The following DHX33 variants were observed in gnomAD, a reference collection of about 807,000 sequenced individuals.
DHX33 encodes the protein DEAH-box helicase 33.
A neutral mutation model predicts 72.5 loss-of-function variants in DHX33; 42 were observed. The ratio of observed to expected loss-of-function variants is 0.58; its 90% CI spans 0.45 to 0.75. The LOEUF (loss-of-function observed/expected upper bound fraction) is 0.75, where lower values mean the gene tolerates loss of function less well. Ranked by LOEUF, DHX33 falls within the 30% of genes least tolerant of loss-of-function variation. The pLI, the probability that DHX33 is intolerant of heterozygous loss-of-function variation, is 0.00. For missense variants in DHX33, 842 were observed against 917.5 expected (o/e 0.92, Z 1.06); for synonymous variants, 358 against 366.1 (o/e 0.98, Z 0.25).
chr17:5,460,441 A>G (rs1904535718), intron 4 of DHX33, among the ~76,000 whole-genome samples: 2 of 152,196 alleles, frequency 1.3e-5, no homozygotes, highest in Admixed American at 1.3e-4. Flanking sequence ...TTCAATGAAA[A>G]TTAGAGATAT....
At chr17:5,455,102 A>G (rs1412090389) in intron 6 of DHX33, 58 bp downstream of exon 6, 4 of 1,442,766 alleles carry the variant, frequency 2.8e-6, no homozygotes, top group African/African-American at 1.4e-5. Context: ...GTGGGACTAC[A>G]GTTTCAGTGG....
rs1057456962 is a variant in DHX33, at chr17:5,462,219, C to T, written c.678+100G>A. 1.2e-5 allele frequency: 13 copies of T among 1,123,660 alleles called. No individual in the cohort carries two copies. In the South Asian group the frequency reaches 1.2e-4, roughly 11 times the overall value. The allele number at this position is 1,123,660 out of a possible 1,614,324, so 69.6% of individuals were successfully genotyped here. A position where few individuals can be genotyped will look rare whatever the true frequency, so the allele number is the denominator to read the frequency against. ...CCTCCCAAAGTGCTGGGATTACAGG[C>T]GTGAGCCACCGCGCCCAGCCAGGCC... On this transcript the variant is annotated intron_variant, in intron 3 of 11. Coordinates refer to ENST00000225296, the MANE Select transcript of DHX33 (RefSeq NM_020162.4).
Position 5,456,249 on chromosome 17 carries a change from T to C in DHX33, c.850-67A>G. ...TTGCAGCTTGCACAGAAAAAGACAA[T>C]GGTGATTGATGATGTTTCCCAGAGT... On this transcript the variant is annotated intron_variant, in intron 4 of 11. Transcript: ENST00000225296. 5 of 1,477,818 alleles carry C rather than the reference T, an allele frequency of 3.4e-6. No homozygotes were observed. In the South Asian group the frequency reaches 5.9e-5, roughly 17 times the overall value. The allele number at this position is 1,477,818 out of a possible 1,614,324, so 91.5% of individuals were successfully genotyped here. A position where few individuals can be genotyped will look rare whatever the true frequency, so the allele number is the denominator to read the frequency against.
In DHX33 at chr17:5,450,864, G is replaced by T. The variant is rs780249169; in HGVS notation, c.1467C>A (p.Thr489=). The change falls in exon 9 of 12, where the codon ACC becomes ACA. Residue 489 remains threonine, a synonymous_variant. Coordinates refer to ENST00000225296, the MANE Select transcript of DHX33 (RefSeq NM_020162.4). ...CCATCTTTCTTCCCATTGGAGTCAGGGTAAGCTGGTCATCCTTATGTTCAA... is the reference window on the plus strand; with the variant it reads ...CCATCTTTCTTCCCATTGGAGTCAGTGTAAGCTGGTCATCCTTATGTTCAA... ...GALEHKDDQL[T]LTPMGRKMAA... is the part of the protein sequence containing the mutation. The T allele has an allele frequency of 4.3e-6, 7 of 1,614,158 alleles. No homozygotes were observed. Among genetic ancestry groups the T allele is most frequent in the Middle Eastern group, 1.6e-4 (1 of 6,062 alleles).
rs1456223562 is a variant in DHX33, at chr17:5,455,033, T to C, written c.1147+127A>G. On this transcript the variant is annotated intron_variant, in intron 6 of 11. Coordinates refer to ENST00000225296, the MANE Select transcript of DHX33 (RefSeq NM_020162.4). ...GGACCTGGAGTGTAGGTGATCTCAC[T>C]CATGGCGCCTGCCACCTGAATTTGT... 3 of 823,466 alleles carry C rather than the reference T, an allele frequency of 3.6e-6. No homozygotes were observed. In the African/African-American group the frequency reaches 5.1e-5, roughly 14 times the overall value. 51.0% of individuals were successfully genotyped at this position (823,466 alleles called of 1,614,324 possible). A position where few individuals can be genotyped will look rare whatever the true frequency, so the allele number is the denominator to read the frequency against.
chr17:5,460,773 C>T (rs947352880), intron 4 of DHX33, among the ~76,000 whole-genome samples, 166 bp downstream of exon 4: 5 of 152,174 alleles, frequency 3.3e-5, no homozygotes, highest in African/African-American at 9.7e-5. Flanking sequence ...TCCCAAAGTG[C>T]AGGGATTACA....
At chr17:5,453,001 A>G (rs186617053) in intron 8 of DHX33, among the ~76,000 whole-genome samples, 29 of 152,370 alleles carry the variant, frequency 1.9e-4, no homozygotes, top group Admixed American at 6.5e-4. Flanking sequence ...TGCCAAAGCC[A>G]ATATCATAAA....
At chr17:5,455,009 G>A (rs754999079) in intron 6 of DHX33, 151 bp downstream of exon 6, 3 of 678,042 alleles carry the variant, frequency 4.4e-6, no homozygotes, top group Non-Finnish European at 7.7e-6. Context: ...CTCCTTCGCG[G>A]ACCTGGAGTG....
Position 5,443,935 on chromosome 17 carries a change from G to A in DHX33, c.*270C>T, listed in dbSNP as rs1597353382. The A allele has an allele frequency of 2.4e-6, 1 of 415,278 alleles. No individual in the cohort carries two copies. The highest frequency in any genetic ancestry group is 6.5e-4 in the Middle Eastern group (1 of 1,546). The allele number at this position is 415,278 out of a possible 1,614,324, so 25.7% of individuals were successfully genotyped here. On this transcript the variant is annotated 3_prime_UTR_variant, in exon 12 of 12. Transcript: ENST00000225296. ...TTATTATTACTCCCATTTGGCAGAT[G>A]AGAAAACTGAGGCTCAGGTGTTAAA...
At chr17:5,450,659 C>A in intron 9 of DHX33, 148 bp downstream of exon 9, 1 of 1,272,664 alleles carries the variant, frequency 7.9e-7, no homozygotes, top group South Asian at 1.4e-5. Context: ...CCACACTGAA[C>A]ATGAATCAGG....
In DHX33 at chr17:5,442,695, G is replaced by A. The variant is rs1916480324; in HGVS notation, c.*1510C>T. 1 of 152,218 alleles carries A rather than the reference G, an allele frequency of 6.6e-6. No individual in the cohort carries two copies. The highest frequency in any genetic ancestry group is 1.5e-5 in the Non-Finnish European group (1 of 68,040). The allele number at this position is 152,218 out of a possible 1,614,324, so 9.4% of individuals were successfully genotyped here. ...TGATCTCTGAAGAGCCTCTTGGGCA[G>A]CTTGGCCCCTGGTTATAACTATGAT... is the stretch of plus-strand genomic sequence containing the variant. On this transcript the variant is annotated 3_prime_UTR_variant, in exon 12 of 12. Transcript: ENST00000225296.
At chr17:5,451,262 C>T (rs935691178) in intron 8 of DHX33, among the ~76,000 whole-genome samples, 3 of 152,208 alleles carry the variant, frequency 2.0e-5, no homozygotes, top group South Asian at 2.1e-4. Context: ...CCCACCACCG[C>T]GCCCAGCTAA....
intron 4 of DHX33, among the ~76,000 whole-genome samples, chr17:5,460,029 T>C (rs532497232): frequency 1.7e-3 from 251 of 147,838 alleles, no homozygotes; most frequent in African/African-American, 6.3e-3. Context: ...TTTTTTTTTT[T>C]TTTGAGACAG....
At chr17:5,468,457 T>C in intron 1 of DHX33, 114 bp downstream of exon 1, 1 of 1,332,390 alleles carries the variant, frequency 7.5e-7, no homozygotes, top group Non-Finnish European at 1.0e-6. Flanking sequence ...CCAGAAAAGG[T>C]ATTCAGGTTT....
chr17:5,444,531 G>C lies in DHX33; in HGVS notation c.1816-18C>G, dbSNP rs375890605. 1 of 1,608,126 alleles carries C rather than the reference G, an allele frequency of 6.2e-7. No homozygotes were observed. The highest frequency in any genetic ancestry group is 2.2e-5 in the East Asian group (1 of 44,820). Reference sequence around the variant, plus strand: ...ATTGACATCTGTTTCGGGAGAAAGCGAGGAATGGAGCCGACCCCACACGTA... The same window carrying C: ...ATTGACATCTGTTTCGGGAGAAAGCCAGGAATGGAGCCGACCCCACACGTA... On this transcript the variant is annotated intron_variant, in intron 11 of 11. Coordinates refer to ENST00000225296, the MANE Select transcript of DHX33 (RefSeq NM_020162.4). The surrounding 1 kb of genome is among the most constrained non-coding windows in gnomAD (Gnocchi z 4.9).
At chr17:5,460,707 A>G in intron 4 of DHX33, among the ~76,000 whole-genome samples, 1 of 151,848 alleles carries the variant, frequency 6.6e-6, no homozygotes, top group Non-Finnish European at 1.5e-5. Flanking sequence ...GGGTTTCACC[A>G]TGTTGGCCAG....
chr17:5,466,510 C>A (rs1904880861), intron 1 of DHX33, among the ~76,000 whole-genome samples: 1 of 152,162 alleles, frequency 6.6e-6, no homozygotes, highest in African/African-American at 2.4e-5. Context: ...CAGCTGTTAC[C>A]CACACAGCTT....
intron 8 of DHX33, among the ~76,000 whole-genome samples, chr17:5,451,250 C>T (rs1448236082): frequency 2.6e-5 from 4 of 152,074 alleles, no homozygotes; most frequent in African/African-American, 4.8e-5. Context: ...GGACCACAGG[C>T]GCCCACCACC....
At chr17:5,462,221 T>C (rs1904670485) in intron 3 of DHX33, 98 bp downstream of exon 3, 4 of 1,165,836 alleles carry the variant, frequency 3.4e-6, no homozygotes, top group Non-Finnish European at 4.9e-6. Flanking sequence ...ATTACAGGCG[T>C]GAGCCACCGC....
Sources: gnomAD v4.1 joint callset for allele counts (sites outside exome capture counted in the v4.1 genomes callset) on GRCh38, gnomAD v4.1.1 for gene constraint, Gnocchi (gnomAD v3.1) non-coding constraint, MANE v1.5 for transcripts, NCBI Gene and HGNC (gene_info 2026-07-23, HGNC 2026-07-21) for gene names.